Variants in DPT observed in about 807,000 individuals in gnomAD.
DPT encodes tyrosine-rich acidic matrix protein.
A neutral mutation model predicts 31.2 loss-of-function variants in DPT; 21 were observed. That is an observed-to-expected ratio of 0.67 (90% CI 0.48 to 0.97). The LOEUF is 0.97. Ranked by LOEUF, DPT falls within the 50% of genes least tolerant of loss-of-function variation. DPT has a pLI of 0.00. For missense variants in DPT, 262 were observed against 258.8 expected (o/e 1.01, Z -0.08); for synonymous variants, 91 against 86.9 (o/e 1.05, Z -0.26).
In DPT at chr1:168,696,341, A is replaced by G; in HGVS notation, c.*208T>C. ...AGCAGTTGCTATGAAACATGTGAAA[A>G]GTGAGAAACATGGTTTAATTGTGGA... On this transcript the variant is annotated 3_prime_UTR_variant, in exon 4 of 4. Transcript: ENST00000367817. 2 of 582,406 alleles carry G rather than the reference A, an allele frequency of 3.4e-6. No individual in the cohort carries two copies. Among genetic ancestry groups the G allele is most frequent in the Non-Finnish European group, 3.0e-6 (1 of 330,152 alleles). The allele number at this position is 582,406 out of a possible 1,614,324, so 36.1% of individuals were successfully genotyped here.
At chr1:168,716,034 C>T (rs10489361) in intron 1 of DPT, among the ~76,000 whole-genome samples, 53,032 of 152,048 alleles carry the variant, frequency 0.35, 9,693 homozygotes, top group Middle Eastern at 0.39. Context: ...TGTTGACACA[C>T]AAATTGTAAC....
intron 1 of DPT, among the ~76,000 whole-genome samples, chr1:168,727,984 C>T (rs539737895): frequency 1.7e-4 from 26 of 152,264 alleles, no homozygotes; most frequent in Middle Eastern, 6.8e-3. Context: ...TCCTCCAAGC[C>T]TCCTAGAGTG....
chr1:168,716,885 C>T (rs1395933290), intron 1 of DPT, among the ~76,000 whole-genome samples: 1 of 152,208 alleles, frequency 6.6e-6, no homozygotes, highest in Non-Finnish European at 1.5e-5. Flanking sequence ...GACATGATCT[C>T]ATTCATTTTT....
intron 2 of DPT, among the ~76,000 whole-genome samples, chr1:168,711,983 A>C: frequency 6.6e-6 from 1 of 152,074 alleles, no homozygotes; most frequent in Non-Finnish European, 1.5e-5. Flanking sequence ...GAGAACAAAA[A>C]ATTTTATGTA....
intron 3 of DPT, 87 bp from the exon 4 acceptor site, chr1:168,696,702 A>AT: frequency 8.2e-7 from 1 of 1,214,900 alleles, no homozygotes; most frequent in Non-Finnish European, 1.2e-6. Context: ...AGCAGAGAAC[A>AT]TTTGGAGGAT....
chr1:168,729,003 C>T lies in DPT; in HGVS notation c.172G>A (p.Ala58Thr). 1.2e-6 allele frequency: 2 copies of T among 1,614,244 alleles called. No individual in the cohort carries two copies. The highest frequency in any genetic ancestry group is 1.7e-5 in the Admixed American group (1 of 60,028). ...YQCPQGQVIV[A>T]VRSIFSKKEG... The stretch of plus-strand genomic sequence containing the variant: ...TTCTTGCTGAAGATGCTCCTCACGG[C>T]CACTATCACCTGCCCCTGGGGACAC... The change falls in exon 1 of 4, where the codon GCC (alanine) becomes ACC (threonine). Residue 58 changes from alanine to threonine, a missense_variant. Ala to Thr is a moderately conservative substitution (Grantham distance 58). Transcript: ENST00000367817.
intron 2 of DPT, 89 bp downstream of exon 2, chr1:168,714,132 G>T: frequency 6.4e-7 from 1 of 1,555,588 alleles, no homozygotes; most frequent in South Asian, 1.2e-5. Context: ...GCTTGTGTGT[G>T]ACCCTCAAGC....
intron 3 of DPT, among the ~76,000 whole-genome samples, chr1:168,697,952 G>C (rs187345189): frequency 1.3e-3 from 202 of 152,290 alleles, no homozygotes; most frequent in African/African-American, 4.6e-3. Flanking sequence ...GCACAGTCCT[G>C]ATAAAGGGCA....
intron 3 of DPT, among the ~76,000 whole-genome samples, chr1:168,698,904 C>A (rs1649524550): frequency 1.3e-5 from 2 of 152,134 alleles, no homozygotes; most frequent in Admixed American, 6.5e-5. Context: ...AGTTGTGGAT[C>A]ATTAAGCTAC....
At chr1:168,728,754 G>A in intron 1 of DPT, 116 bp downstream of exon 1, 1 of 1,294,780 alleles carries the variant, frequency 7.7e-7, no homozygotes, top group Non-Finnish European at 1.1e-6. Context: ...TGAGGTTTGG[G>A]GTGGGATTTG....
At chr1:168,709,697 G>C (rs906509586) in intron 2 of DPT, among the ~76,000 whole-genome samples, 1 of 152,218 alleles carries the variant, frequency 6.6e-6, no homozygotes, top group Non-Finnish European at 1.5e-5. Context: ...GCGTGCTGAA[G>C]AATGCCTTTC....
intron 2 of DPT, among the ~76,000 whole-genome samples, chr1:168,711,860 A>C (rs897162885): frequency 6.6e-6 from 1 of 152,230 alleles, no homozygotes; most frequent in Non-Finnish European, 1.5e-5. Flanking sequence ...TCATTCCTTC[A>C]TCCAAACAAA....
At chr1:168,727,981 A>C (rs1056480171) in intron 1 of DPT, among the ~76,000 whole-genome samples, 2 of 152,032 alleles carry the variant, frequency 1.3e-5, no homozygotes, top group Non-Finnish European at 2.9e-5. Context: ...CTCTCCTCCA[A>C]GCCTCCTAGA....
In DPT at chr1:168,704,474, G is replaced by T. The variant is rs914441395; in HGVS notation, c.432-3350C>A. Among the ~76,000 whole-genome samples the T allele has an allele frequency of 2.0e-5, 3 of 152,182 alleles. No individual in the cohort carries two copies. In the East Asian group the frequency reaches 5.8e-4, roughly 29 times the overall value. ...GTGCAGGAGAATGGCGTGAACCCGGGAGGCGGAGCTTGCAGTGAGCTGAGA... is the reference window on the plus strand; with the variant it reads ...GTGCAGGAGAATGGCGTGAACCCGGTAGGCGGAGCTTGCAGTGAGCTGAGA... On this transcript the variant is annotated intron_variant, in intron 2 of 3. Coordinates refer to ENST00000367817, the MANE Select transcript of DPT (RefSeq NM_001937.5).
chr1:168,702,612 CTTTTT>C (rs10656421), intron 2 of DPT, among the ~76,000 whole-genome samples: 1 of 132,418 alleles, frequency 7.6e-6, no homozygotes, highest in Admixed American at 7.8e-5. Context: ...AGGTAAATGT[CTTTTT>C]TTTTTTTTTT....
intron 2 of DPT, among the ~76,000 whole-genome samples, chr1:168,703,928 C>T (rs191558028): frequency 1.7e-3 from 259 of 152,296 alleles, no homozygotes; most frequent in South Asian, 0.012. Context: ...TGCATGTGCA[C>T]GCGCACACAC....
In DPT at chr1:168,695,598, T is replaced by C. The variant is rs932003592; in HGVS notation, c.*951A>G. On this transcript the variant is annotated 3_prime_UTR_variant, in exon 4 of 4. Transcript: ENST00000367817. ...CCTGAGCCACACACAGAAGGAAAGTTGATCCCCAGGGCAGCCTTTCCCACC... is the reference window on the plus strand; with the variant it reads ...CCTGAGCCACACACAGAAGGAAAGTCGATCCCCAGGGCAGCCTTTCCCACC... 6.6e-6 allele frequency: 1 copy of C among 152,296 alleles called. No individual in the cohort carries two copies. Among genetic ancestry groups the C allele is most frequent in the African/African-American group, 2.4e-5 (1 of 41,440 alleles). 9.4% of individuals were successfully genotyped at this position (152,296 alleles called of 1,614,324 possible).
At chr1:168,712,040 C>T (rs931775324) in intron 2 of DPT, among the ~76,000 whole-genome samples, 1 of 152,082 alleles carries the variant, frequency 6.6e-6, no homozygotes, top group African/African-American at 2.4e-5. Flanking sequence ...ACACCCTCCA[C>T]AATTATTAAT....
In DPT at chr1:168,719,903, A is replaced by G. The variant is rs200350066; in HGVS notation, c.306-5557T>C. The stretch of plus-strand genomic sequence containing the variant: ...CTGAAACTGGAAGCTTTCTAGAAGG[A>G]AAGTCACAAGGTAATTACTCCTCCT... On this transcript the variant is annotated intron_variant, in intron 1 of 3. Transcript: ENST00000367817. 3.6e-4 allele frequency among the ~76,000 whole-genome samples: 55 copies of G among 151,174 alleles called. No homozygotes were observed. The East Asian group carries it at 0.01, about 28-fold the overall frequency.
Sources: gnomAD v4.1 joint callset for allele counts (sites outside exome capture counted in the v4.1 genomes callset) on GRCh38, gnomAD v4.1.1 for gene constraint, MANE v1.5 for transcripts, NCBI Gene and HGNC (gene_info 2026-07-23, HGNC 2026-07-21) for gene names.